NEK4: variants seen among roughly 807,000 people sequenced by gnomAD.
NEK4 encodes the protein NIMA related kinase 4, also known as serine/threonine-protein kinase Nek4.
Under a neutral mutation model 98.4 loss-of-function variants are expected in NEK4, and 86 were observed. The ratio of observed to expected loss-of-function variants is 0.87; its 90% CI spans 0.73 to 1.05. The LOEUF (loss-of-function observed/expected upper bound fraction) is 1.05, where lower values mean the gene tolerates loss of function less well. Ranked by LOEUF, NEK4 falls within the 50% of genes least tolerant of loss-of-function variation. The pLI is 0.00. For synonymous variants in NEK4, 328 were observed against 342.2 expected (o/e 0.96, Z 0.46); for missense variants, 898 against 950.3 (o/e 0.94, Z 0.72).
rs1698539595 is a variant in NEK4, at chr3:52,765,906, T to TA, written c.646dup (p.Tyr216LeufsTer5). ...CTTTACCTTTCCTTCAATAATCCGA[T>TA]AAACTAAAGAATTCATATCTTTTGC... On this transcript the variant is annotated frameshift_variant, in exon 4 of 16. Coordinates refer to ENST00000233027, the MANE Select transcript of NEK4 (RefSeq NM_003157.6). LOFTEE classifies it high-confidence loss of function. 1 of 1,603,732 alleles carries TA rather than the reference T, an allele frequency of 6.2e-7. No individual in the cohort carries two copies. The highest frequency in any genetic ancestry group is 1.3e-5 in the African/African-American group (1 of 74,858).
intron 4 of NEK4, 76 bp downstream of exon 4, chr3:52,765,811 C>T (rs2154106960): frequency 3.5e-6 from 3 of 861,484 alleles, no homozygotes; most frequent in Non-Finnish European, 5.8e-6. Flanking sequence ...TCAAAATCAT[C>T]AATGATTTTG....
At chr3:52,767,557 C>CA (rs11368746) in intron 2 of NEK4, among the ~76,000 whole-genome samples, 51,763 of 145,172 alleles carry the variant, frequency 0.36, 9,732 homozygotes, top group Admixed American at 0.48. Context: ...ACTAAAAATA[C>CA]AAAAAAAAAA....
At position 52,766,106 on chromosome 3, in the gene NEK4, C is replaced by T. The variant is rs373055198; in HGVS notation, c.558+72G>A. 4.7e-6 allele frequency: 7 copies of T among 1,475,076 alleles called. No individual in the cohort carries two copies. The South Asian group carries it at 8.3e-5, about 18-fold the overall frequency. The allele number at this position is 1,475,076 out of a possible 1,614,324, so 91.4% of individuals were successfully genotyped here. The stretch of plus-strand genomic sequence containing the variant: ...AACCAATTCATAGATAATTCTCTGA[C>T]TTAATTAACTTCTGAAATTACAAGC... On this transcript the variant is annotated intron_variant, in intron 3 of 15. Transcript: ENST00000233027.
At chr3:52,715,176 C>T (rs2097354015) in intron 15 of NEK4, among the ~76,000 whole-genome samples, 1 of 152,244 alleles carries the variant, frequency 6.6e-6, no homozygotes, top group African/African-American at 2.4e-5. Flanking sequence ...TCTGGGCCTA[C>T]CCATGGACAA....
intron 2 of NEK4, 69 bp from the exon 3 acceptor site, chr3:52,766,444 T>C (rs1698563001): frequency 1.1e-5 from 13 of 1,148,350 alleles, no homozygotes; most frequent in Non-Finnish European, 1.7e-5. Flanking sequence ...TGGCTTATTA[T>C]ATACCATCAG....
chr3:52,758,393 T>C (rs879723983), intron 6 of NEK4, among the ~76,000 whole-genome samples: 7 of 152,026 alleles, frequency 4.6e-5, no homozygotes, highest in Admixed American at 4.6e-4. Context: ...GTTAAAATAG[T>C]AAATTTTACA....
rs753110977 is a variant in NEK4 at position 52,741,517 on chromosome 3, G to T, written c.2005-18C>A. 1.3e-6 allele frequency: 2 copies of T among 1,511,990 alleles called. No homozygotes were observed. Among genetic ancestry groups the T allele is most frequent in the South Asian group, 1.1e-5 (1 of 88,580 alleles). The allele number at this position is 1,511,990 out of a possible 1,614,324, so 93.7% of individuals were successfully genotyped here. ...TTCCTTTCCTATTAAATGTTTGGAA[G>T]AATTAAAATTCTACATGACAACACA... On this transcript the variant is annotated intron_variant, in intron 12 of 15. Coordinates refer to ENST00000233027, the MANE Select transcript of NEK4 (RefSeq NM_003157.6).
rs545019249 is a variant in NEK4 at position 52,763,494 on chromosome 3, G to C, written c.797C>G (p.Ser266Cys). 1 of 1,613,126 alleles carries C rather than the reference G, an allele frequency of 6.2e-7. No individual in the cohort carries two copies. The highest frequency in any genetic ancestry group is 1.1e-5 in the South Asian group (1 of 90,828). The change falls in exon 5 of 16, where the codon TCC becomes TGC. Residue 266 changes from serine (S) to cysteine (C), a missense_variant. Transcript: ENST00000233027. ...LRQPYIKRQI[S>C]FFLEATKIKT... ...CATCTTTGTGGCCTCCAAAAAGAAG[G>C]AGATTTGCCGCTTTATATAAGGCTG...
intron 15 of NEK4, among the ~76,000 whole-genome samples, chr3:52,719,516 T>G (rs34918356): frequency 0.46 from 68,748 of 149,904 alleles, 15,995 homozygotes; most frequent in Admixed American, 0.53. Context: ...CTGGGAGGCG[T>G]AGGTTGTAGT....
intron 15 of NEK4, among the ~76,000 whole-genome samples, chr3:52,727,480 A>T (rs2097365604): frequency 6.6e-6 from 1 of 152,224 alleles, no homozygotes; most frequent in African/African-American, 2.4e-5. Context: ...AATTTGTGGG[A>T]ACCAAATAAC....
At chr3:52,716,686 T>C (rs1158408705) in intron 15 of NEK4, among the ~76,000 whole-genome samples, 27 of 152,232 alleles carry the variant, frequency 1.8e-4, no homozygotes, top group Admixed American at 1.5e-3. Flanking sequence ...TTCTATTTTA[T>C]AGAAGGAAGT....
At chr3:52,711,973 C>A in intron 15 of NEK4, 104 bp from the exon 16 acceptor site, 3 of 633,816 alleles carry the variant, frequency 4.7e-6, no homozygotes, top group South Asian at 4.4e-5. Context: ...AAGGTGGAAA[C>A]CATACAGGAA....
rs988629638 is a variant in NEK4, at chr3:52,711,649, CAAAGAGATATAAA to C, written c.*115_*127del. ...CAATTTCTTTTCTGTAGGGAAACGCCAAAGAGATATAAAAAAGAGATATAAAACAGTGGTGAGT... is the reference window on the plus strand; with the variant it reads ...CAATTTCTTTTCTGTAGGGAAACGCCAAAGAGATATAAAACAGTGGTGAGT... On this transcript the variant is annotated 3_prime_UTR_variant, in exon 16 of 16. Transcript: ENST00000233027. The C allele has an allele frequency of 2.0e-5, 13 of 640,924 alleles. No individual in the cohort carries two copies. The highest frequency in any genetic ancestry group is 1.7e-4 in the African/African-American group (9 of 54,268). 39.7% of individuals were successfully genotyped at this position (640,924 alleles called of 1,614,324 possible).
chr3:52,740,283 G>A (rs2097383522), intron 13 of NEK4, among the ~76,000 whole-genome samples: 1 of 151,860 alleles, frequency 6.6e-6, no homozygotes, highest in African/African-American at 2.4e-5. Context: ...CATTAAAATG[G>A]GTAGTATAAA....
chr3:52,713,308 T>C (rs1348763800), intron 15 of NEK4, among the ~76,000 whole-genome samples: 3 of 152,076 alleles, frequency 2.0e-5, no homozygotes, highest in African/African-American at 7.2e-5. Context: ...ACTGGAAAAA[T>C]CCAAACCAAG....
intron 8 of NEK4, among the ~76,000 whole-genome samples, chr3:52,747,637 T>C (rs1198375549): frequency 6.6e-6 from 1 of 151,968 alleles, no homozygotes; most frequent in Non-Finnish European, 1.5e-5. Context: ...TGCCTACTTT[T>C]AAAATTGTAA....
chr3:52,752,933 T>TACACACACACACACACACAC (rs71087017), intron 6 of NEK4, among the ~76,000 whole-genome samples: 59 of 75,552 alleles, frequency 7.8e-4, no homozygotes, highest in Middle Eastern at 7.0e-3. Context: ...TATATATATA[T>TACACACACACACACACACAC]ACACACACAC....
chr3:52,714,351 C>G (rs150827376), intron 15 of NEK4, among the ~76,000 whole-genome samples: 145 of 152,362 alleles, frequency 9.5e-4, no homozygotes, highest in Non-Finnish European at 1.7e-3. Flanking sequence ...CACGGGCCAT[C>G]CGGAGCAGCC....
chr3:52,770,058 A>G (rs1698718560), intron 1 of NEK4, among the ~76,000 whole-genome samples: 1 of 152,128 alleles, frequency 6.6e-6, no homozygotes, highest in South Asian at 2.1e-4. Context: ...TTAGTGATAG[A>G]TGAATATAAT....
Sources: allele counts gnomAD v4.1 joint callset (sites outside exome capture counted in the v4.1 genomes callset), GRCh38; gene constraint gnomAD v4.1.1; transcripts MANE v1.5; gene names NCBI Gene and HGNC (gene_info 2026-07-23, HGNC 2026-07-21).